The following NFAT5 variants were observed in gnomAD, a reference collection of about 807,000 sequenced individuals.
The protein encoded by NFAT5 is nuclear factor of activated T cells 5, also known as nuclear factor of activated T-cells 5.
NFAT5 carries 31 observed loss-of-function variants against 166.5 expected under a neutral mutation model. The observed-to-expected ratio is 0.19, with a 90% CI of 0.14 to 0.25. NFAT5 has a LOEUF of 0.25. Among genes scored for constraint, NFAT5 ranks in the 10% least tolerant of loss-of-function variants. NFAT5 has a pLI of 1.00. For missense variants in NFAT5, 1,449 were observed against 1,821.8 expected (o/e 0.80, Z 3.72); for synonymous variants, 612 against 639.7 (o/e 0.96, Z 0.65).
intron 2 of NFAT5, among the ~76,000 whole-genome samples, chr16:69,587,475 G>GC (rs1567520811): frequency 6.7e-6 from 1 of 148,846 alleles, no homozygotes; most frequent in African/African-American, 2.5e-5. Context: ...TGTAACCTCC[G>GC]CCCCCCTGTG....
At chr16:69,637,961 C>T (rs2035038102) in intron 3 of NFAT5, among the ~76,000 whole-genome samples, 1 of 152,058 alleles carries the variant, frequency 6.6e-6, no homozygotes, top group African/African-American at 2.4e-5. Context: ...TGGCTCACGC[C>T]TGTAATCCCA....
intron 9 of NFAT5, among the ~76,000 whole-genome samples, chr16:69,674,427 A>G (rs1014606669): frequency 4.6e-5 from 7 of 152,004 alleles, no homozygotes; most frequent in African/African-American, 9.7e-5. Flanking sequence ...ACAACTGTAG[A>G]TGAGTTATAT....
At chr16:69,576,216 C>T (rs969121615) in intron 2 of NFAT5, among the ~76,000 whole-genome samples, 2 of 148,978 alleles carry the variant, frequency 1.3e-5, no homozygotes, top group Non-Finnish European at 3.0e-5. Flanking sequence ...GGCTTGAACC[C>T]GGAAGGTGGA....
intron 2 of NFAT5, among the ~76,000 whole-genome samples, chr16:69,571,350 G>A (rs767738928): frequency 4.6e-5 from 7 of 151,724 alleles, no homozygotes; most frequent in Non-Finnish European, 1.0e-4. Flanking sequence ...AGAACTCAGC[G>A]AATTCTCCTG....
At chr16:69,600,686 T>C (rs2033079709) in intron 2 of NFAT5, among the ~76,000 whole-genome samples, 1 of 144,650 alleles carries the variant, frequency 6.9e-6, no homozygotes, top group South Asian at 2.1e-4. Flanking sequence ...TTGCCAAGAA[T>C]GATAGATACA....
intron 4 of NFAT5, chr16:69,648,926 C>G: frequency 2.1e-6 from 2 of 969,316 alleles, no homozygotes; most frequent in Non-Finnish European, 2.5e-6. Flanking sequence ...GTAATATCTA[C>G]CCTTTAAGCA....
chr16:69,702,989 T>C lies in NFAT5; in HGVS notation c.*6638T>C, dbSNP rs759699073. ...CTGATTTAAATATATAGGTGCAATG[T>C]TCTATGTTTATTTTAATTGTTATGA... On this transcript the variant is annotated 3_prime_UTR_variant, in exon 15 of 15. Transcript: ENST00000349945. 15 of 152,652 alleles carry C rather than the reference T, an allele frequency of 9.8e-5. No individual in the cohort carries two copies. The highest frequency in any genetic ancestry group is 1.9e-4 in the Non-Finnish European group (13 of 68,040). The allele number at this position is 152,652 out of a possible 1,614,324, so 9.5% of individuals were successfully genotyped here.
In NFAT5 at chr16:69,693,913, A is replaced by G; in HGVS notation, c.4088A>G (p.Glu1363Gly). 1 of 1,614,224 alleles carries G rather than the reference A, an allele frequency of 6.2e-7. No homozygotes were observed. Among genetic ancestry groups the G allele is most frequent in the Non-Finnish European group, 8.5e-7 (1 of 1,180,040 alleles). The change falls in exon 13 of 15, where the codon GAA (glutamate) becomes GGA (glycine). Residue 1363 changes from glutamate (E) to glycine (G), a missense_variant. Physicochemically the swap from Glu to Gly is moderately conservative, Grantham distance 98. Transcript: ENST00000349945. ...CAGAACCCAGGTCCTACCCAGTCGG[A>G]ATCATCACAGACCCCCTTGTTCCAT... Reference protein sequence around the residue: ...SLQNPGPTQSESSQTPLFHSS... With the variant: ...SLQNPGPTQSGSSQTPLFHSS...
Position 69,653,345 on chromosome 16 carries a change from A to T in NFAT5, c.922A>T (p.Thr308Ser). 1 of 1,613,312 alleles carries T rather than the reference A, an allele frequency of 6.2e-7. No homozygotes were observed. The highest frequency in any genetic ancestry group is 8.5e-7 in the Non-Finnish European group (1 of 1,179,766). ...GCTGAAGATAGTTGTACAACCTGAGACACAGCACCGAGCTCGGTACCTGAC... is the reference window on the plus strand; with the variant it reads ...GCTGAAGATAGTTGTACAACCTGAGTCACAGCACCGAGCTCGGTACCTGAC... Reference protein sequence around the residue: ...KELKIVVQPETQHRARYLTEG... With the variant: ...KELKIVVQPESQHRARYLTEG... Residue 308 changes from threonine (T) to serine (S), a missense_variant, in exon 5 of 15, where the codon ACA becomes TCA. By Grantham distance (58) the Thr-to-Ser change is moderately conservative. Around this residue, in one of 7 missense-constraint regions of NFAT5, gnomAD observed 3 missense variants for 32.7 expected, o/e 0.09. Coordinates refer to ENST00000349945, the MANE Select transcript of NFAT5 (RefSeq NM_138713.4).
intron 2 of NFAT5, among the ~76,000 whole-genome samples, chr16:69,576,308 A>G (rs2016747799): frequency 2.0e-5 from 3 of 151,700 alleles, no homozygotes; most frequent in African/African-American, 4.8e-5. Flanking sequence ...AAAAAAAAAA[A>G]AAAGAACGTT....
chr16:69,631,770 T>G (rs1207745104), intron 3 of NFAT5, among the ~76,000 whole-genome samples: 7 of 151,952 alleles, frequency 4.6e-5, no homozygotes, highest in South Asian at 2.1e-4. Context: ...GGACTACAGG[T>G]GTGTGCCACC....
chr16:69,568,542 T>C lies in NFAT5; in HGVS notation c.121T>C (p.Leu41=), dbSNP rs1186904268. Residue 41 remains leucine (L), a synonymous_variant, in exon 2 of 15, where the codon TTG becomes CTG. Coordinates refer to ENST00000349945, the MANE Select transcript of NFAT5 (RefSeq NM_138713.4). The part of the protein sequence containing the change: ...PSQNFHRAGL[L]EESVYDLLPK... The stretch of plus-strand genomic sequence containing the variant: ...ACAGAATTTTCATAGAGCTGGACTA[T>C]TGGAAGGTCAGCAAAGTACCATTTT... The C allele has an allele frequency of 6.2e-7, 1 of 1,612,206 alleles. No individual in the cohort carries two copies. The highest frequency in any genetic ancestry group is 8.5e-7 in the Non-Finnish European group (1 of 1,178,930).
intron 2 of NFAT5, among the ~76,000 whole-genome samples, chr16:69,595,830 A>G (rs903816211): frequency 6.6e-5 from 10 of 152,142 alleles, no homozygotes; most frequent in African/African-American, 2.4e-4. Context: ...ACTTGAACAC[A>G]AACACTGTGA....
intron 3 of NFAT5, among the ~76,000 whole-genome samples, chr16:69,645,523 T>C (rs2035401232): frequency 6.6e-6 from 1 of 152,182 alleles, no homozygotes; most frequent in Non-Finnish European, 1.5e-5. Flanking sequence ...TCAAATAATT[T>C]AGGTGTATTT....
At chr16:69,624,615 T>C (rs2034362957) in intron 2 of NFAT5, among the ~76,000 whole-genome samples, 1 of 152,202 alleles carries the variant, frequency 6.6e-6, no homozygotes, top group Non-Finnish European at 1.5e-5. Flanking sequence ...CCTTCCTCCT[T>C]ATCCCTATCC....
chr16:69,590,128 C>A (rs148466488), intron 2 of NFAT5, among the ~76,000 whole-genome samples: 1 of 152,104 alleles, frequency 6.6e-6, no homozygotes, highest in African/African-American at 2.4e-5. Context: ...GAACTATGAT[C>A]GCACGACTGC....
chr16:69,606,004 C>T (rs1207377675), intron 2 of NFAT5, among the ~76,000 whole-genome samples: 5 of 152,328 alleles, frequency 3.3e-5, no homozygotes, highest in East Asian at 1.9e-4. Context: ...TGAGCCACCG[C>T]GCCCGGCCCC....
At chr16:69,587,820 GTTAAA>G (rs1182801118) in intron 2 of NFAT5, among the ~76,000 whole-genome samples, 3 of 151,798 alleles carry the variant, frequency 2.0e-5, no homozygotes, top group Non-Finnish European at 2.9e-5. Context: ...GTTTATTAAA[GTTAAA>G]TTAATCTTAA....
At chr16:69,624,284 C>T (rs138455540) in intron 2 of NFAT5, among the ~76,000 whole-genome samples, 3 of 152,236 alleles carry the variant, frequency 2.0e-5, no homozygotes, top group African/African-American at 4.8e-5. Context: ...CGGCTCACTG[C>T]AACCTCCGCC....
Sources: allele counts gnomAD v4.1 joint callset (sites outside exome capture counted in the v4.1 genomes callset), GRCh38; gene constraint gnomAD v4.1.1; regional missense constraint gnomAD v4.1.1; transcripts MANE v1.5; gene names NCBI Gene and HGNC (gene_info 2026-07-23, HGNC 2026-07-21).